LUZP2: variants seen among roughly 807,000 people sequenced by gnomAD.
LUZP2 encodes leucine zipper protein 2.
LUZP2 carries 52 observed loss-of-function variants against 51.6 expected under a neutral mutation model. The observed-to-expected ratio is 1.01, with a 90% CI of 0.81 to 1.27. The LOEUF (loss-of-function observed/expected upper bound fraction) is 1.27. LUZP2 is among the 50% of genes most tolerant of loss of function. The pLI is 0.00. For missense variants in LUZP2, 436 were observed against 395.4 expected, an observed-to-expected ratio of 1.10 and a Z score of -0.87; for synonymous variants, 154 against 137.3, an observed-to-expected ratio of 1.12 and a Z score of -0.85.
At chr11:24,686,268 T>G (rs1010195282) in intron 1 of LUZP2, among the ~76,000 whole-genome samples, 2 of 151,922 alleles carry the variant, frequency 1.3e-5, no homozygotes, top group Non-Finnish European at 2.9e-5. Flanking sequence ...TCATTTGTAG[T>G]GGATTGTGGC....
intron 1 of LUZP2, among the ~76,000 whole-genome samples, chr11:24,695,993 A>G (rs1857236241): frequency 6.6e-6 from 1 of 152,044 alleles, no homozygotes; most frequent in South Asian, 2.1e-4. Context: ...ATTACTTGGG[A>G]TCGGTATATG....
intron 5 of LUZP2, chr11:24,891,661 A>G (rs369948646): frequency 4.7e-5 from 36 of 763,346 alleles, no homozygotes; most frequent in East Asian, 2.5e-4. Flanking sequence ...ACAGAATTCT[A>G]TCAGGAATAA....
At chr11:24,881,315 C>CAAA (rs3078893) in intron 5 of LUZP2, among the ~76,000 whole-genome samples, 25 of 127,806 alleles carry the variant, frequency 2.0e-4, no homozygotes, top group African/African-American at 6.8e-4. Context: ...GAGTAATTGC[C>CAAA]AAAAAAAAAA....
At chr11:24,933,938 T>A (rs949896665) in intron 7 of LUZP2, among the ~76,000 whole-genome samples, 1 of 152,102 alleles carries the variant, frequency 6.6e-6, no homozygotes, top group East Asian at 1.9e-4. Flanking sequence ...GGGGAGAATA[T>A]TACAAAGTAC....
At chr11:24,977,176 A>T (rs928104362) in intron 8 of LUZP2, among the ~76,000 whole-genome samples, 1 of 151,724 alleles carries the variant, frequency 6.6e-6, no homozygotes, top group South Asian at 2.1e-4. Context: ...TGTTTACTGT[A>T]AGATAATTAA....
At chr11:24,510,663 C>A (rs529841065) in intron 1 of LUZP2, among the ~76,000 whole-genome samples, 4 of 151,952 alleles carry the variant, frequency 2.6e-5, no homozygotes, top group Non-Finnish European at 5.9e-5. Flanking sequence ...AATATATATA[C>A]GTATACCACA....
intron 7 of LUZP2, among the ~76,000 whole-genome samples, chr11:24,928,067 A>T (rs189877633): frequency 6.6e-6 from 1 of 152,174 alleles, no homozygotes; most frequent in East Asian, 1.9e-4. Context: ...TGGCAGAGCT[A>T]CTGATTTGTG....
chr11:24,882,637 G>A (rs368205676), intron 5 of LUZP2, among the ~76,000 whole-genome samples: 8 of 151,624 alleles, frequency 5.3e-5, no homozygotes, highest in East Asian at 1.9e-4. Context: ...GGTAAGTTTC[G>A]CTTTTTTCAA....
rs1327713711 is a variant in LUZP2 at position 24,991,394 on chromosome 11, G to GTATATATATATATA, written c.765+8102_765+8103insATATATATATATAT. 2.8e-3 allele frequency among the ~76,000 whole-genome samples: 311 copies of GTATATATATATATA among 109,318 alleles called. 1 individual carries two copies. The highest frequency in any genetic ancestry group is 6.4e-3 in the Admixed American group (61 of 9,556). 71.7% of individuals were successfully genotyped at this position (109,318 alleles called of 152,430 possible). A position where few individuals can be genotyped will look rare whatever the true frequency, so the allele number is the denominator to read the frequency against. On this transcript the variant is annotated intron_variant, in intron 9 of 11. Coordinates refer to ENST00000336930, the MANE Select transcript of LUZP2 (RefSeq NM_001009909.4). ...TATATATATGTGTGTGTGTGTGTGT[G>GTATATATATATATA]TGTATATATATATATATATATATAT...
intron 7 of LUZP2, among the ~76,000 whole-genome samples, chr11:24,922,298 T>C (rs1854086256): frequency 6.6e-6 from 1 of 152,138 alleles, no homozygotes; most frequent in African/African-American, 2.4e-5. Context: ...GTTATTTAAT[T>C]TGGTACCTCT....
chr11:24,824,913 G>A (rs7101709), intron 5 of LUZP2, among the ~76,000 whole-genome samples: 91,946 of 151,822 alleles, frequency 0.61, 28,723 homozygotes, highest in Middle Eastern at 0.69. Flanking sequence ...TAAAATTTTT[G>A]CTTACTATAT....
At chr11:24,841,648 A>G (rs1851037066) in intron 5 of LUZP2, among the ~76,000 whole-genome samples, 1 of 151,274 alleles carries the variant, frequency 6.6e-6, no homozygotes, top group Admixed American at 6.6e-5. Flanking sequence ...TCAATTCCAA[A>G]GGGCAAACAA....
intron 1 of LUZP2, among the ~76,000 whole-genome samples, chr11:24,624,694 A>T (rs188292662): frequency 2.0e-4 from 31 of 152,286 alleles, no homozygotes; most frequent in African/African-American, 7.5e-4. Flanking sequence ...TAGGAAAGGC[A>T]TACCTGCACT....
intron 1 of LUZP2, among the ~76,000 whole-genome samples, chr11:24,562,951 G>A (rs75926505): frequency 1.4e-3 from 215 of 152,176 alleles, no homozygotes; most frequent in African/African-American, 5.0e-3. Context: ...GTGGGGCCTA[G>A]GAAGTAGATA....
chr11:24,983,370 C>G lies in LUZP2; in HGVS notation c.765+77C>G. 5 of 1,368,766 alleles carry G rather than the reference C, an allele frequency of 3.7e-6. No individual in the cohort carries two copies. In the South Asian group the frequency reaches 4.0e-5, roughly 11 times the overall value. The allele number at this position is 1,368,766 out of a possible 1,614,324, so 84.8% of individuals were successfully genotyped here. A position where few individuals can be genotyped will look rare whatever the true frequency, so the allele number is the denominator to read the frequency against. ...CTTTAAAGCCCAGTATATATAATCA[C>G]CAGAGTGGATTCAAGTATGATAACA... is the stretch of plus-strand genomic sequence containing the variant. On this transcript the variant is annotated intron_variant, in intron 9 of 11. Coordinates refer to ENST00000336930, the MANE Select transcript of LUZP2 (RefSeq NM_001009909.4).
chr11:24,794,130 G>A lies in LUZP2; in HGVS notation c.396+30822G>A, dbSNP rs532318926. 2.0e-5 allele frequency among the ~76,000 whole-genome samples: 3 copies of A among 152,058 alleles called. No individual in the cohort carries two copies. In the South Asian group the frequency reaches 6.2e-4, roughly 32 times the overall value. On this transcript the variant is annotated intron_variant, in intron 5 of 11. Coordinates refer to ENST00000336930, the MANE Select transcript of LUZP2 (RefSeq NM_001009909.4). ...AGAACATTAAGGATCTAACTAATGA[G>A]CCTGGCCTTGTTAGCCTTGTCAGAT...
chr11:24,611,097 T>C lies in LUZP2; in HGVS notation c.62+113792T>C, dbSNP rs1305085836. ...TTTTTTGTTTTGTTTTGTTTTGTTT[T>C]GGCTATCCGAAGTAACATATAAGTG... is the stretch of plus-strand genomic sequence containing the variant. On this transcript the variant is annotated intron_variant, in intron 1 of 11. Transcript: ENST00000336930. This position sits in a 1 kb window ranked among gnomAD's most constrained non-coding sequence, Gnocchi z 4.6. Among the ~76,000 whole-genome samples, 1 of 152,190 alleles carries C rather than the reference T, an allele frequency of 6.6e-6. No homozygotes were observed. The highest frequency in any genetic ancestry group is 1.9e-4 in the East Asian group (1 of 5,202).
intron 1 of LUZP2, among the ~76,000 whole-genome samples, chr11:24,534,816 T>C (rs1331713948): frequency 6.6e-6 from 1 of 151,438 alleles, no homozygotes; most frequent in East Asian, 1.9e-4. Context: ...ATAATGTGCT[T>C]AATAAAATAT....
At chr11:25,052,863 T>C (rs1858562971) in intron 10 of LUZP2, among the ~76,000 whole-genome samples, 1 of 152,148 alleles carries the variant, frequency 6.6e-6, no homozygotes, top group African/African-American at 2.4e-5. Context: ...TTTATATGAC[T>C]TTCCTTTAAT....
Sources: allele counts gnomAD v4.1 joint callset (sites outside exome capture counted in the v4.1 genomes callset), GRCh38; gene constraint gnomAD v4.1.1; non-coding constraint Gnocchi (gnomAD v3.1); transcripts MANE v1.5; gene names NCBI Gene and HGNC (gene_info 2026-07-23, HGNC 2026-07-21).